Variants in PAPOLB observed in about 807,000 individuals in gnomAD.
The protein encoded by PAPOLB is PAP-beta.
A neutral mutation model predicts 23.2 loss-of-function variants in PAPOLB; 19 were observed. That is an observed-to-expected ratio of 0.82 (90% CI 0.57 to 1.20). The LOEUF is 1.20. PAPOLB is among the 50% of genes most tolerant of loss of function. The probability of loss-of-function intolerance (pLI) is 0.00; values close to 1 mark genes in which losing one functional copy is unlikely to be tolerated. For synonymous variants in PAPOLB, 360 were observed against 290.7 expected, an observed-to-expected ratio of 1.24 and a Z score of -2.43; for missense variants, 822 against 776.8, an observed-to-expected ratio of 1.06 and a Z score of -0.69.
In PAPOLB at chr7:4,858,565, AGT is replaced by A. The variant is rs1783892060; in HGVS notation, c.*1330_*1331del. ...TTTTGATAAATCGTTTAAAAATAAA[AGT>A]GTTTAAAATTCTTGAAGAAAATGCC... On this transcript the variant is annotated 3_prime_UTR_variant, in exon 1 of 1. Coordinates refer to ENST00000404991, the MANE Select transcript of PAPOLB (RefSeq NM_020144.5). 1 of 152,662 alleles carries A rather than the reference AGT, an allele frequency of 6.6e-6. No individual in the cohort carries two copies. Among genetic ancestry groups the A allele is most frequent in the South Asian group, 2.1e-4 (1 of 4,834 alleles). The allele number at this position is 152,662 out of a possible 1,614,324, so 9.5% of individuals were successfully genotyped here. A position where few individuals can be genotyped will look rare whatever the true frequency, so the allele number is the denominator to read the frequency against.
Position 4,861,713 on chromosome 7 carries a change from T to A in PAPOLB, c.98A>T (p.Lys33Met). 6.4e-7 allele frequency: 1 copy of A among 1,569,358 alleles called. No individual in the cohort carries two copies. Among genetic ancestry groups the A allele is most frequent in the South Asian group, 1.2e-5 (1 of 83,156 alleles). Residue 33 changes from lysine to methionine, a missense_variant, in exon 1 of 1, where the codon AAG becomes ATG. Physicochemically the swap from Lys to Met is moderately conservative, Grantham distance 95. Coordinates refer to ENST00000404991, the MANE Select transcript of PAPOLB (RefSeq NM_020144.5). ...VSSPISLAVP[K>M]ETDCLLTQRL... The stretch of plus-strand genomic sequence containing the variant: ...CTGGGTGAGGAGGCAGTCCGTCTCC[T>A]TGGGGACCGCTAGACTGATAGGCGA...
rs1783895307 is a variant in PAPOLB, at chr7:4,858,646, T to C, written c.*1251A>G. ...AACTTTCCTATAAGGAGGTATTCTG[T>C]GGAATGAACAAAACTTCTCATATGC... On this transcript the variant is annotated 3_prime_UTR_variant, in exon 1 of 1. Coordinates refer to ENST00000404991, the MANE Select transcript of PAPOLB (RefSeq NM_020144.5). 1 of 152,630 alleles carries C rather than the reference T, an allele frequency of 6.6e-6. No homozygotes were observed. The highest frequency in any genetic ancestry group is 2.1e-4 in the South Asian group (1 of 4,834). The allele number at this position is 152,630 out of a possible 1,614,324, so 9.5% of individuals were successfully genotyped here.
At position 4,861,391 on chromosome 7, in the gene PAPOLB, T is replaced by C; in HGVS notation, c.420A>G (p.Leu140=). ...FFTSFYAKLK[L]QEEVKDLRAV... is the part of the protein sequence containing the mutation. ...CCCTTAAATCTTTCACTTCCTCCTG[T>C]AGTTTCAGTTTAGCATAGAATGAGG... The change falls in exon 1 of 1, where the codon CTA becomes CTG. Residue 140 remains leucine (L), a synonymous_variant. Transcript: ENST00000404991. 1 of 1,614,200 alleles carries C rather than the reference T, an allele frequency of 6.2e-7. No individual in the cohort carries two copies. The highest frequency in any genetic ancestry group is 8.5e-7 in the Non-Finnish European group (1 of 1,180,018).
chr7:4,861,223 A>G lies in PAPOLB; in HGVS notation c.588T>C (p.Ile196=), dbSNP rs779291182. 20 of 1,614,020 alleles carry G rather than the reference A, an allele frequency of 1.2e-5. No individual in the cohort carries two copies. The highest frequency in any genetic ancestry group is 2.2e-5 in the South Asian group (2 of 91,078). The change falls in exon 1 of 1, where the codon ATT becomes ATC. Residue 196 remains isoleucine (I), a synonymous_variant. Coordinates refer to ENST00000404991, the MANE Select transcript of PAPOLB (RefSeq NM_020144.5). ...AACCATTAAGGCTTCTTATGCATCTAATGTCTAAATTTTTAAGTAGACTGT... is the reference window on the plus strand; with the variant it reads ...AACCATTAAGGCTTCTTATGCATCTGATGTCTAAATTTTTAAGTAGACTGT... ...RDDSLLKNLD[I]RCIRSLNGCR... is the part of the protein sequence containing the mutation.
Position 4,861,782 on chromosome 7 carries a change from C to A in PAPOLB, c.29G>T (p.Gly10Val). MMPFPVTTQ[G>V]PPQPAPPPNR... ...CGGCGGCGGCGCCGGCTGCGGTGGT[C>A]CCTGGGTTGTCACCGGAAACGGCAT... The change falls in exon 1 of 1, where the codon GGA (glycine) becomes GTA (valine). Residue 10 changes from glycine to valine, a missense_variant. Around this residue, in one of 3 missense-constraint regions of PAPOLB, gnomAD observed 276 missense variants for 243.9 expected, o/e 1.13. Coordinates refer to ENST00000404991, the MANE Select transcript of PAPOLB (RefSeq NM_020144.5). 6.8e-7 allele frequency: 1 copy of A among 1,473,312 alleles called. No homozygotes were observed. Among genetic ancestry groups the A allele is most frequent in the Non-Finnish European group, 9.0e-7 (1 of 1,114,804 alleles). 91.3% of individuals were successfully genotyped at this position (1,473,312 alleles called of 1,614,324 possible).
chr7:4,860,740 T>C lies in PAPOLB; in HGVS notation c.1071A>G (p.Ala357=), dbSNP rs1231523582. Reference sequence around the variant, plus strand: ...GAGCTTCAAAGAGTTTGGACCACTCTGCCTTACTTAGCAAAATCTCGTGTG... The same window carrying C: ...GAGCTTCAAAGAGTTTGGACCACTCCGCCTTACTTAGCAAAATCTCGTGTG... ...AITHEILLSK[A]EWSKLFEAPS... The change falls in exon 1 of 1, where the codon GCA becomes GCG. Residue 357 remains alanine (A), a synonymous_variant. Transcript: ENST00000404991. 6.2e-7 allele frequency: 1 copy of C among 1,614,148 alleles called. No individual in the cohort carries two copies. The highest frequency in any genetic ancestry group is 8.5e-7 in the Non-Finnish European group (1 of 1,179,986).
In PAPOLB at chr7:4,861,361, G is replaced by T. The variant is rs756906535; in HGVS notation, c.450C>A (p.Val150=). 5.6e-6 allele frequency: 9 copies of T among 1,614,030 alleles called. No homozygotes were observed. Among genetic ancestry groups the T allele is most frequent in the African/African-American group, 1.3e-5 (1 of 75,032 alleles). ...TGATAACTGGCACAAATGCCTCCTC[G>T]ACAGCCCTTAAATCTTTCACTTCCT... ...LQEEVKDLRA[V]EEAFVPVIKL... is the part of the protein sequence containing the mutation. The change falls in exon 1 of 1, where the codon GTC becomes GTA. Residue 150 remains valine (V), a synonymous_variant. Coordinates refer to ENST00000404991, the MANE Select transcript of PAPOLB (RefSeq NM_020144.5).
At position 4,861,862 on chromosome 7, in the gene PAPOLB, G is replaced by GACCTTC; in HGVS notation, c.-53_-52insGAAGGT. On this transcript the variant is annotated 5_prime_UTR_variant, in exon 1 of 1. Transcript: ENST00000404991. ...CGTCCCCCACCACCGCGACCTTCGC[G>GACCTTC]GCCGCCGCCCGGGTCATGATCCGCT... is the stretch of plus-strand genomic sequence containing the variant. 2 of 1,279,252 alleles carry GACCTTC rather than the reference G, an allele frequency of 1.6e-6. No individual in the cohort carries two copies. The highest frequency in any genetic ancestry group is 2.1e-6 in the Non-Finnish European group (2 of 971,288). 79.2% of individuals were successfully genotyped at this position (1,279,252 alleles called of 1,614,324 possible). A position where few individuals can be genotyped will look rare whatever the true frequency, so the allele number is the denominator to read the frequency against.
chr7:4,860,992 G>A lies in PAPOLB; in HGVS notation c.819C>T (p.Phe273=), dbSNP rs528143281. 2.0e-5 allele frequency: 33 copies of A among 1,614,184 alleles called. No homozygotes were observed. Among genetic ancestry groups the A allele is most frequent in the Non-Finnish European group, 2.6e-5 (31 of 1,180,024 alleles). ...NAVASTLVRK[F]FLVFSEWEWP... ...ATTCCCATTCTGAAAATACCAAGAAGAATTTCCGTACAAGAGTTGACGCTA... is the reference window on the plus strand; with the variant it reads ...ATTCCCATTCTGAAAATACCAAGAAAAATTTCCGTACAAGAGTTGACGCTA... The change falls in exon 1 of 1, where the codon TTC becomes TTT. Residue 273 remains phenylalanine, a synonymous_variant. Transcript: ENST00000404991.
In PAPOLB at chr7:4,858,325, T is replaced by C. The variant is rs1384572625; in HGVS notation, c.*1572A>G. On this transcript the variant is annotated 3_prime_UTR_variant, in exon 1 of 1. Transcript: ENST00000404991. The stretch of plus-strand genomic sequence containing the variant: ...TAATTGGAAAGCCTGTTAAGTTTGC[T>C]GTCTAGATTAAGAAAGACTCAACTT... 2.0e-5 allele frequency: 3 copies of C among 152,236 alleles called. No individual in the cohort carries two copies. The highest frequency in any genetic ancestry group is 1.5e-5 in the Non-Finnish European group (1 of 68,030). 9.4% of individuals were successfully genotyped at this position (152,236 alleles called of 1,614,324 possible).
In PAPOLB at chr7:4,861,891, G is replaced by A; in HGVS notation, c.-81C>T. On this transcript the variant is annotated 5_prime_UTR_variant, in exon 1 of 1. Coordinates refer to ENST00000404991, the MANE Select transcript of PAPOLB (RefSeq NM_020144.5). ...GCCGCCCGGGTCATGATCCGCTGAGGCGGAAGGGCAGGGCTTCTAGCTGCC... is the reference window on the plus strand; with the variant it reads ...GCCGCCCGGGTCATGATCCGCTGAGACGGAAGGGCAGGGCTTCTAGCTGCC... 1 of 608,710 alleles carries A rather than the reference G, an allele frequency of 1.6e-6. No homozygotes were observed. The highest frequency in any genetic ancestry group is 4.8e-5 in the East Asian group (1 of 20,822). 37.7% of individuals were successfully genotyped at this position (608,710 alleles called of 1,614,324 possible). A position where few individuals can be genotyped will look rare whatever the true frequency, so the allele number is the denominator to read the frequency against.
chr7:4,860,785 A>C lies in PAPOLB; in HGVS notation c.1026T>G (p.Phe342Leu), dbSNP rs189122332. The change falls in exon 1 of 1, where the codon TTT (phenylalanine) becomes TTG (leucine). Residue 342 changes from phenylalanine to leucine, a missense_variant. Phe to Leu is a conservative substitution (Grantham distance 22). Coordinates refer to ENST00000404991, the MANE Select transcript of PAPOLB (RefSeq NM_020144.5). The stretch of plus-strand genomic sequence containing the variant: ...CGTGTGTGATAGCAAGCCCCTGTTT[A>C]AACTCCTCAATCATGACCATCCTGG... ...ISTRMVMIEE[F>L]KQGLAITHEI... The C allele has an allele frequency of 1.5e-4, 245 of 1,614,212 alleles. No individual in the cohort carries two copies. The highest frequency in any genetic ancestry group is 2.7e-4 in the Admixed American group (16 of 60,030).
At position 4,861,026 on chromosome 7, in the gene PAPOLB, G is replaced by A. The variant is rs761496456; in HGVS notation, c.785C>T (p.Pro262Leu). Residue 262 changes from proline to leucine, a missense_variant, in exon 1 of 1, where the codon CCA becomes CTA. Physicochemically the swap from Pro to Leu is moderately conservative, Grantham distance 98. Around this residue, in one of 3 missense-constraint regions of PAPOLB, gnomAD observed 534 missense variants for 502.8 expected, o/e 1.06. Transcript: ENST00000404991. ...TACAAGAGTTGACGCTACTGCATTT[G>A]GATAAAGCTGACAAGTTCTTGCTAC... ...MLVARTCQLY[P>L]NAVASTLVRK... is the part of the protein sequence containing the mutation. The A allele has an allele frequency of 1.9e-6, 3 of 1,614,194 alleles. No homozygotes were observed. In the East Asian group the frequency reaches 6.7e-5, roughly 36 times the overall value.
Position 4,861,839 on chromosome 7 carries a change from T to TC in PAPOLB, c.-30dup, listed in dbSNP as rs771587611. On this transcript the variant is annotated 5_prime_UTR_variant, in exon 1 of 1. It removes the in-frame stop codon of an upstream open reading frame in the 5' UTR. Coordinates refer to ENST00000404991, the MANE Select transcript of PAPOLB (RefSeq NM_020144.5). ...TCAGCGCCCGCCCCGCCAGGGCACG[T>TC]CCCCCACCACCGCGACCTTCGCGGC... The TC allele has an allele frequency of 1.2e-5, 17 of 1,396,122 alleles. No individual in the cohort carries two copies. Among genetic ancestry groups the TC allele is most frequent in the Non-Finnish European group, 1.6e-5 (17 of 1,071,956 alleles). 86.5% of individuals were successfully genotyped at this position (1,396,122 alleles called of 1,614,324 possible). A position where few individuals can be genotyped will look rare whatever the true frequency, so the allele number is the denominator to read the frequency against.
Position 4,858,352 on chromosome 7 carries a change from C to G in PAPOLB, c.*1545G>C, listed in dbSNP as rs1276144762. On this transcript the variant is annotated 3_prime_UTR_variant, in exon 1 of 1. Coordinates refer to ENST00000404991, the MANE Select transcript of PAPOLB (RefSeq NM_020144.5). ...TCTAGATTAAGAAAGACTCAACTTT[C>G]ATTCATTCACATCTGTTGCCCCTCA... is the stretch of plus-strand genomic sequence containing the variant. 2 of 152,320 alleles carry G rather than the reference C, an allele frequency of 1.3e-5. No homozygotes were observed. The highest frequency in any genetic ancestry group is 4.8e-5 in the African/African-American group (2 of 41,566). The allele number at this position is 152,320 out of a possible 1,614,324, so 9.4% of individuals were successfully genotyped here.
In PAPOLB at chr7:4,861,874, G is replaced by T. The variant is rs1784017452; in HGVS notation, c.-64C>A. The T allele has an allele frequency of 1.5e-5, 8 of 536,216 alleles. No homozygotes were observed. Among genetic ancestry groups the T allele is most frequent in the Middle Eastern group, 7.7e-4 (1 of 1,294 alleles). 33.2% of individuals were successfully genotyped at this position (536,216 alleles called of 1,614,324 possible). A position where few individuals can be genotyped will look rare whatever the true frequency, so the allele number is the denominator to read the frequency against. On this transcript the variant is annotated 5_prime_UTR_variant, in exon 1 of 1. Transcript: ENST00000404991. ...CCGCGACCTTCGCGGCCGCCGCCCG[G>T]GTCATGATCCGCTGAGGCGGAAGGG...
At position 4,861,721 on chromosome 7, in the gene PAPOLB, C is replaced by G. The variant is rs763846073; in HGVS notation, c.90G>C (p.Ala30=). The change falls in exon 1 of 1, where the codon GCG becomes GCC. Residue 30 remains alanine (A), a synonymous_variant. Transcript: ENST00000404991. ...GGAGGCAGTCCGTCTCCTTGGGGAC[C>G]GCTAGACTGATAGGCGAGGAGACGC... ...RYGVSSPISL[A]VPKETDCLLT... is the part of the protein sequence containing the mutation. 3.9e-6 allele frequency: 6 copies of G among 1,544,180 alleles called. No individual in the cohort carries two copies. The highest frequency in any genetic ancestry group is 1.3e-5 in the South Asian group (1 of 79,498).
rs1025817718 is a variant in PAPOLB at position 4,861,122 on chromosome 7, A to C, written c.689T>G (p.Leu230Arg). ...ATAGATATTGTGGCACTTGGCCCAC[A>C]GTTTGATGGCTCTCAGAGTCAGCCT... ...NFRLTLRAIK[L>R]WAKCHNIYSN... The change falls in exon 1 of 1, where the codon CTG (leucine) becomes CGG (arginine). Residue 230 changes from leucine (L) to arginine (R), a missense_variant. Leu to Arg is a moderately radical substitution (Grantham distance 102). Coordinates refer to ENST00000404991, the MANE Select transcript of PAPOLB (RefSeq NM_020144.5). The C allele has an allele frequency of 6.2e-7, 1 of 1,614,134 alleles. No individual in the cohort carries two copies. Among genetic ancestry groups the C allele is most frequent in the Non-Finnish European group, 8.5e-7 (1 of 1,180,046 alleles).
Position 4,860,146 on chromosome 7 carries a change from T to A in PAPOLB, c.1665A>T (p.Arg555Ser). The A allele has an allele frequency of 6.2e-7, 1 of 1,614,032 alleles. No individual in the cohort carries two copies. The highest frequency in any genetic ancestry group is 8.5e-7 in the Non-Finnish European group (1 of 1,179,880). Residue 555 changes from arginine to serine, a missense_variant, in exon 1 of 1, where the codon AGA (arginine) becomes AGT (serine). Arg to Ser is a moderately radical substitution (Grantham distance 110, BLOSUM62 -1). Around this residue, in one of 3 missense-constraint regions of PAPOLB, gnomAD observed 534 missense variants for 502.8 expected, o/e 1.06. Transcript: ENST00000404991. The part of the protein sequence containing the change: ...TGPLISSSQG[R>S]NSPALAVMTA... ...TCATTACAGCCAAGGCAGGACTGTT[T>A]CTACCCTGAGAACTGCTAATCAATG... is the stretch of plus-strand genomic sequence containing the variant.
Sources: gnomAD v4.1 joint callset for allele counts on GRCh38, gnomAD v4.1.1 for gene constraint, gnomAD v4.1.1 regional missense constraint, MANE v1.5 for transcripts, NCBI Gene and HGNC (gene_info 2026-07-23, HGNC 2026-07-21) for gene names.